Variants in MVB12B observed in about 807,000 individuals in gnomAD.
The protein encoded by MVB12B is ESCRT-I complex subunit MVB12B.
Under a neutral mutation model 41.6 loss-of-function variants are expected in MVB12B, and 16 were observed. The ratio of observed to expected loss-of-function variants is 0.38; its 90% CI spans 0.26 to 0.58. The LOEUF is 0.58. Among genes scored for constraint, MVB12B ranks in the 20% least tolerant of loss-of-function variants. The pLI is 0.62. For synonymous variants in MVB12B, 133 were observed against 139.7 expected (o/e 0.95, Z 0.34); for missense variants, 274 against 380.2 (o/e 0.72, Z 2.32).
chr9:126,487,766 C>CAAAAA (rs570639548), intron 9 of MVB12B, among the ~76,000 whole-genome samples: 1 of 108,904 alleles, frequency 9.2e-6, no homozygotes, highest in South Asian at 3.0e-4. Context: ...GACTCCGTCT[C>CAAAAA]AAAAAAAAAA....
At chr9:126,365,353 G>A (rs1830147047) in intron 2 of MVB12B, among the ~76,000 whole-genome samples, 1 of 123,478 alleles carries the variant, frequency 8.1e-6, no homozygotes, top group African/African-American at 3.2e-5. Flanking sequence ...TTTTTTAAGA[G>A]ACAGAGTCTC....
At chr9:126,380,371 G>C (rs1006688542) in intron 2 of MVB12B, among the ~76,000 whole-genome samples, 3 of 152,192 alleles carry the variant, frequency 2.0e-5, no homozygotes, top group Admixed American at 1.3e-4. Context: ...TCAGATCAAG[G>C]CTGGCTGGCG....
chr9:126,425,856 G>A (rs892969659), intron 7 of MVB12B, among the ~76,000 whole-genome samples: 3 of 152,168 alleles, frequency 2.0e-5, no homozygotes, highest in African/African-American at 7.2e-5. Context: ...AATGATGGTC[G>A]CTTGGCTTGG....
chr9:126,336,935 G>A (rs960172134), intron 1 of MVB12B, among the ~76,000 whole-genome samples: 10 of 152,166 alleles, frequency 6.6e-5, no homozygotes, highest in African/African-American at 2.2e-4. Flanking sequence ...GATGACCTGC[G>A]AGGTGAAAGT....
At position 126,392,039 on chromosome 9, in the gene MVB12B, T is replaced by C; in HGVS notation, c.410-27T>C. 6.2e-7 allele frequency: 1 copy of C among 1,613,766 alleles called. No individual in the cohort carries two copies. The highest frequency in any genetic ancestry group is 8.5e-7 in the Non-Finnish European group (1 of 1,179,694). ...GATTCTGGTATCTCTGGAAAACTCA[T>C]ACCTTTTCTATTGTCCTTTCCTTCA... On this transcript the variant is annotated intron_variant, in intron 4 of 9. Transcript: ENST00000361171. This position sits in a 1 kb window ranked among gnomAD's most constrained non-coding sequence, Gnocchi z 4.8.
At chr9:126,446,379 G>A (rs959953832) in intron 7 of MVB12B, among the ~76,000 whole-genome samples, 4 of 151,640 alleles carry the variant, frequency 2.6e-5, no homozygotes, top group African/African-American at 9.7e-5. Context: ...GTTAGGATTT[G>A]GGCATTTATA....
At chr9:126,499,838 G>T (rs2119239433) in intron 9 of MVB12B, among the ~76,000 whole-genome samples, 1 of 152,308 alleles carries the variant, frequency 6.6e-6, no homozygotes, top group South Asian at 2.1e-4. Context: ...GTGCAGGCAG[G>T]AAGGGGCGCC....
intron 7 of MVB12B, among the ~76,000 whole-genome samples, chr9:126,454,196 A>C (rs548053639): frequency 6.6e-6 from 1 of 152,348 alleles, no homozygotes; most frequent in South Asian, 2.1e-4. Context: ...GGAATTCCAA[A>C]GGTTTTACAC....
chr9:126,381,502 G>A (rs533636832), intron 3 of MVB12B, among the ~76,000 whole-genome samples: 2 of 152,246 alleles, frequency 1.3e-5, no homozygotes, highest in South Asian at 2.1e-4. Flanking sequence ...CCAGTGGAGC[G>A]GGATTTAATG....
intron 1 of MVB12B, among the ~76,000 whole-genome samples, chr9:126,332,071 C>T (rs1283593077): frequency 6.6e-6 from 1 of 152,150 alleles, no homozygotes; most frequent in African/African-American, 2.4e-5. Context: ...TTTCAGAGCC[C>T]ATCTGCTCCT....
intron 2 of MVB12B, among the ~76,000 whole-genome samples, chr9:126,368,772 A>G (rs1830253472): frequency 6.6e-6 from 1 of 152,242 alleles, no homozygotes; most frequent in Admixed American, 6.5e-5. Context: ...AAATTAAATA[A>G]TAACAGCCAA....
intron 9 of MVB12B, among the ~76,000 whole-genome samples, chr9:126,499,724 G>C (rs1021069147): frequency 1.2e-4 from 18 of 152,232 alleles, no homozygotes; most frequent in Admixed American, 2.0e-4. Flanking sequence ...AAGAAGCGGG[G>C]GTGGGTGGCG....
At chr9:126,460,377 C>T (rs1027831644) in intron 7 of MVB12B, among the ~76,000 whole-genome samples, 1 of 152,196 alleles carries the variant, frequency 6.6e-6, no homozygotes, top group Admixed American at 6.5e-5. Context: ...CAGATCTTCC[C>T]ACATTCTTTG....
rs1489249201 is a variant in MVB12B, at chr9:126,473,906, C to T, written c.758-7463C>T. The stretch of plus-strand genomic sequence containing the variant: ...GTGTATGGGCAGTAAGCACGGATTC[C>T]CTTTCCTTTTCTATTTTGTAGAACT... On this transcript the variant is annotated intron_variant, in intron 7 of 9. Transcript: ENST00000361171. The surrounding 1 kb of genome is among the most constrained non-coding windows in gnomAD (Gnocchi z 4.0). Among the ~76,000 whole-genome samples the T allele has an allele frequency of 6.6e-6, 1 of 152,140 alleles. No homozygotes were observed. The highest frequency in any genetic ancestry group is 1.9e-4 in the East Asian group (1 of 5,206).
At chr9:126,381,313 T>G in intron 3 of MVB12B, 142 bp downstream of exon 3, 1 of 648,628 alleles carries the variant, frequency 1.5e-6, no homozygotes, top group Non-Finnish European at 2.7e-6. Context: ...CTGGGTAGAA[T>G]CAGCAGCCAG....
intron 2 of MVB12B, among the ~76,000 whole-genome samples, chr9:126,343,444 A>G (rs12554306): frequency 0.23 from 35,637 of 152,220 alleles, 4,297 homozygotes; most frequent in South Asian, 0.36. Flanking sequence ...TTGTAATGCT[A>G]TAAGAAGCAC....
At chr9:126,472,325 C>T (rs542945271) in intron 7 of MVB12B, among the ~76,000 whole-genome samples, 11 of 152,048 alleles carry the variant, frequency 7.2e-5, no homozygotes, top group African/African-American at 2.2e-4. Flanking sequence ...AATCCCATCT[C>T]GTTGCCAGGC....
chr9:126,371,021 G>A (rs953195024), intron 2 of MVB12B, among the ~76,000 whole-genome samples: 37 of 152,072 alleles, frequency 2.4e-4, no homozygotes, highest in Admixed American at 2.4e-3. Flanking sequence ...ACAAATTGAG[G>A]TAGGGCTCAA....
intron 9 of MVB12B, among the ~76,000 whole-genome samples, chr9:126,493,668 G>C (rs573829453): frequency 2.1e-4 from 32 of 152,270 alleles, no homozygotes; most frequent in Middle Eastern, 3.4e-3. Flanking sequence ...CCAGAAACAA[G>C]GGATGCCTCT....
Sources: allele counts gnomAD v4.1 joint callset (sites outside exome capture counted in the v4.1 genomes callset), GRCh38; gene constraint gnomAD v4.1.1; non-coding constraint Gnocchi (gnomAD v3.1); transcripts MANE v1.5; gene names NCBI Gene and HGNC (gene_info 2026-07-23, HGNC 2026-07-21).